Variants in NLGN1 observed in about 807,000 individuals in gnomAD.
The protein encoded by NLGN1 is neuroligin 1.
A neutral mutation model predicts 65.5 loss-of-function variants in NLGN1; 12 were observed. The observed-to-expected ratio is 0.18, with a 90% CI of 0.12 to 0.30. The LOEUF (loss-of-function observed/expected upper bound fraction) is 0.30. NLGN1 is among the 10% of genes least tolerant of loss of function. The pLI, the probability that NLGN1 is intolerant of heterozygous loss-of-function variation, is 1.00. For missense variants in NLGN1, 750 were observed against 1,007.1 expected (o/e 0.74, Z 3.46); for synonymous variants, 350 against 359.5 (o/e 0.97, Z 0.30).
At chr3:174,118,727 G>C (rs889719397) in intron 4 of NLGN1, among the ~76,000 whole-genome samples, 4 of 152,124 alleles carry the variant, frequency 2.6e-5, no homozygotes, top group South Asian at 2.1e-4. Context: ...TGATCTAAAA[G>C]AGATATAAGA....
At chr3:174,143,842 CTTGA>C (rs1722718950) in intron 4 of NLGN1, among the ~76,000 whole-genome samples, 1 of 152,074 alleles carries the variant, frequency 6.6e-6, no homozygotes, top group Non-Finnish European at 1.5e-5. Context: ...TGCAATGTTG[CTTGA>C]TTAATTAGTG....
chr3:174,177,316 T>C (rs1268263357), intron 4 of NLGN1, among the ~76,000 whole-genome samples: 3 of 152,162 alleles, frequency 2.0e-5, no homozygotes, highest in African/African-American at 7.2e-5. Context: ...TTTCCTATGC[T>C]GAGTACTTAT....
chr3:174,059,440 G>A (rs1335589269), intron 4 of NLGN1, among the ~76,000 whole-genome samples: 5 of 152,068 alleles, frequency 3.3e-5, no homozygotes, highest in Admixed American at 6.6e-5. Flanking sequence ...TTTGGGTGGG[G>A]CAACAAAGGA....
intron 2 of NLGN1, among the ~76,000 whole-genome samples, chr3:173,549,754 T>C (rs1338948417): frequency 5.3e-5 from 8 of 152,066 alleles, no homozygotes; most frequent in Non-Finnish European, 1.2e-4. Context: ...TTTAGATAGC[T>C]GACAACATTA....
intron 4 of NLGN1, among the ~76,000 whole-genome samples, chr3:173,937,248 A>G (rs1026645528): frequency 6.6e-6 from 1 of 152,068 alleles, no homozygotes; most frequent in Admixed American, 6.6e-5. Context: ...CTCTGTGATG[A>G]TATTAGCTGC....
intron 3 of NLGN1, among the ~76,000 whole-genome samples, chr3:173,627,349 C>T (rs889947118): frequency 1.3e-5 from 2 of 152,062 alleles, no homozygotes; most frequent in African/African-American, 4.8e-5. Context: ...TAACATACTC[C>T]AGGTTCATGT....
At chr3:173,503,101 C>T (rs565047068) in intron 2 of NLGN1, among the ~76,000 whole-genome samples, 13 of 150,584 alleles carry the variant, frequency 8.6e-5, no homozygotes, top group Admixed American at 4.7e-4. Context: ...TGTGTGTGTG[C>T]GTGTGAGTGT....
In NLGN1 at chr3:173,906,214, G is replaced by A. The variant is rs569753878; in HGVS notation, c.646+98382G>A. ...AGAATTTGAATCCAACTTTATCTGGGGCCTAAGCCTGTGTGCCCTTTGCAC... is the reference window on the plus strand; with the variant it reads ...AGAATTTGAATCCAACTTTATCTGGAGCCTAAGCCTGTGTGCCCTTTGCAC... On this transcript the variant is annotated intron_variant, in intron 4 of 6. Transcript: ENST00000457714. Among the ~76,000 whole-genome samples, 10 of 152,116 alleles carry A rather than the reference G, an allele frequency of 6.6e-5. No homozygotes were observed. In the South Asian group the frequency reaches 2.1e-3, roughly 32 times the overall value.
intron 4 of NLGN1, among the ~76,000 whole-genome samples, chr3:174,055,313 C>A (rs748570904): frequency 6.6e-6 from 1 of 151,700 alleles, no homozygotes; most frequent in Non-Finnish European, 1.5e-5. Context: ...GTTGAGGGAA[C>A]TGGGAAAGTT....
intron 4 of NLGN1, among the ~76,000 whole-genome samples, chr3:173,974,940 C>A (rs989445256): frequency 4.6e-5 from 7 of 151,944 alleles, no homozygotes; most frequent in African/African-American, 1.7e-4. Context: ...AGCCAATAAC[C>A]CTTTTCTCAC....
intron 4 of NLGN1, among the ~76,000 whole-genome samples, chr3:174,233,782 A>T (rs2152820759): frequency 6.6e-6 from 1 of 152,206 alleles, no homozygotes; most frequent in Admixed American, 6.5e-5. Flanking sequence ...ACTTCAACAG[A>T]ACTAGTTCAC....
intron 3 of NLGN1, among the ~76,000 whole-genome samples, chr3:173,625,995 C>G (rs1421001565): frequency 2.0e-5 from 3 of 151,978 alleles, no homozygotes; most frequent in Non-Finnish European, 4.4e-5. Flanking sequence ...TTTTTATTAG[C>G]AACTATATCA....
chr3:173,630,928 A>G (rs544433140), intron 3 of NLGN1, among the ~76,000 whole-genome samples: 2 of 152,286 alleles, frequency 1.3e-5, no homozygotes, highest in Admixed American at 6.5e-5. Context: ...AATCAAAAGC[A>G]TCTAGAGGTG....
intron 4 of NLGN1, among the ~76,000 whole-genome samples, chr3:174,103,354 G>A (rs185286847): frequency 1.3e-5 from 2 of 152,190 alleles, no homozygotes; most frequent in Admixed American, 1.3e-4. Flanking sequence ...ATATTTTAAA[G>A]CTGTTAGTTG....
chr3:174,165,393 G>A (rs1038005924), intron 4 of NLGN1, among the ~76,000 whole-genome samples: 1 of 151,898 alleles, frequency 6.6e-6, no homozygotes, highest in Non-Finnish European at 1.5e-5. Context: ...AGTTTCTTGA[G>A]GGTTTTTATA....
exon 7 of NLGN1, chr3:174,281,175 A>T (rs141914667): frequency 6.2e-7 from 1 of 1,613,322 alleles, no homozygotes. Flanking sequence ...CAACACCATT[A>T]CAATGATTCC....
intron 2 of NLGN1, among the ~76,000 whole-genome samples, chr3:173,445,809 G>A (rs1432050395): frequency 6.6e-6 from 1 of 152,110 alleles, no homozygotes; most frequent in African/African-American, 2.4e-5. Context: ...GGGAAGTTTG[G>A]GAACACTTTA....
chr3:173,487,584 G>A (rs1728379465), intron 2 of NLGN1, among the ~76,000 whole-genome samples: 1 of 151,502 alleles, frequency 6.6e-6, no homozygotes, highest in South Asian at 2.1e-4. Flanking sequence ...ATTCCATATT[G>A]GCTTTTGTCA....
intron 4 of NLGN1, among the ~76,000 whole-genome samples, chr3:174,184,637 C>T (rs148642287): frequency 6.6e-6 from 1 of 152,250 alleles, no homozygotes; most frequent in Non-Finnish European, 1.5e-5. Context: ...CCTACATGCT[C>T]AGCACTGCTC....
Sources: allele counts gnomAD v4.1 joint callset (sites outside exome capture counted in the v4.1 genomes callset), GRCh38; gene constraint gnomAD v4.1.1; transcripts MANE v1.5; gene names NCBI Gene and HGNC (gene_info 2026-07-23, HGNC 2026-07-21).